The following PNPLA3 variants were observed in gnomAD, a reference collection of about 807,000 sequenced individuals.
The protein encoded by PNPLA3 is 1-acylglycerol-3-phosphate O-acyltransferase PNPLA3.
Under a neutral mutation model 43.1 loss-of-function variants are expected in PNPLA3, and 42 were observed. The observed-to-expected ratio is 0.97, with a 90% confidence interval of 0.76 to 1.26. The LOEUF is 1.26. Ranked by LOEUF, PNPLA3 falls within the 50% of genes most tolerant of loss-of-function variation. The pLI, the probability that PNPLA3 is intolerant of heterozygous loss-of-function variation, is 0.00. For missense variants in PNPLA3, 647 were observed against 621.4 expected (o/e 1.04, Z -0.44); for synonymous variants, 272 against 253.6 (o/e 1.07, Z -0.69).
At chr22:43,943,477 T>G (rs985206952) in intron 7 of PNPLA3, among the ~76,000 whole-genome samples, 1 of 152,198 alleles carries the variant, frequency 6.6e-6, no homozygotes, top group African/African-American at 2.4e-5. Context: ...TTTGCCCTGG[T>G]GGTGAACGCT....
At chr22:43,931,898 G>T (rs2049964056) in intron 3 of PNPLA3, among the ~76,000 whole-genome samples, 1 of 152,212 alleles carries the variant, frequency 6.6e-6, no homozygotes, top group Non-Finnish European at 1.5e-5. Context: ...GTGTAAACTT[G>T]TGATCATTTC....
intron 7 of PNPLA3, among the ~76,000 whole-genome samples, chr22:43,943,911 C>G (rs9626057): frequency 0.046 from 6,987 of 152,230 alleles, 217 homozygotes; most frequent in Middle Eastern, 0.078. Flanking sequence ...GCTTCAGTCT[C>G]CTGAGTAGCT....
intron 6 of PNPLA3, 73 bp downstream of exon 6, chr22:43,937,345 T>G (rs1350330208): frequency 1.4e-6 from 2 of 1,416,618 alleles, no homozygotes; most frequent in East Asian, 4.8e-5. Flanking sequence ...AAGATGGTAC[T>G]GCCACATGGG....
At chr22:43,929,893 G>A (rs969413412) in intron 3 of PNPLA3, among the ~76,000 whole-genome samples, 2 of 152,264 alleles carry the variant, frequency 1.3e-5, no homozygotes, top group African/African-American at 4.8e-5. Flanking sequence ...CATGGTGCCC[G>A]GCCAACAATC....
At chr22:43,940,676 G>A (rs2050025351) in intron 7 of PNPLA3, among the ~76,000 whole-genome samples, 1 of 151,954 alleles carries the variant, frequency 6.6e-6, no homozygotes, top group Non-Finnish European at 1.5e-5. Context: ...GAGCATGGTG[G>A]CACGTGCCTG....
Position 43,923,876 on chromosome 22 carries a change from G to C in PNPLA3, c.-36G>C. ...CGAGCCGATTCCCGATCCCGACCCA[G>C]ATCCTAACCCGCGCCCCCGCCCCGC... On this transcript the variant is annotated 5_prime_UTR_variant, in exon 1 of 9. Transcript: ENST00000216180. The C allele has an allele frequency of 1.4e-6, 2 of 1,470,256 alleles. No homozygotes were observed. Among genetic ancestry groups the C allele is most frequent in the South Asian group, 2.7e-5 (2 of 73,856 alleles). The allele number at this position is 1,470,256 out of a possible 1,614,324, so 91.1% of individuals were successfully genotyped here.
chr22:43,931,660 C>T (rs888678086), intron 3 of PNPLA3, among the ~76,000 whole-genome samples: 9 of 152,182 alleles, frequency 5.9e-5, no homozygotes, highest in Admixed American at 5.2e-4. Flanking sequence ...AGATTACAAG[C>T]ACACATCCCC....
At chr22:43,926,109 T>C (rs2049920287) in intron 1 of PNPLA3, among the ~76,000 whole-genome samples, 3 of 152,212 alleles carry the variant, frequency 2.0e-5, no homozygotes, top group African/African-American at 7.2e-5. Context: ...TCCCAGAGGC[T>C]GCATCCTGGA....
In PNPLA3 at chr22:43,946,024, C is replaced by T. The variant is rs1638248146; in HGVS notation, c.1218-130C>T. ...CTGAGGGCTAGAAGAAGCTGTGTCT[C>T]TGGCTGTGACGGCACCCTAGAGTGT... On this transcript the variant is annotated intron_variant, in intron 8 of 8. Transcript: ENST00000216180. The T allele has an allele frequency of 3.6e-6, 3 of 830,098 alleles. No individual in the cohort carries two copies. The Admixed American group carries it at 6.3e-5, about 17-fold the overall frequency. The allele number at this position is 830,098 out of a possible 1,614,324, so 51.4% of individuals were successfully genotyped here.
At chr22:43,926,675 C>A (rs1569008708) in intron 1 of PNPLA3, among the ~76,000 whole-genome samples, 1 of 151,026 alleles carries the variant, frequency 6.6e-6, no homozygotes, top group Non-Finnish European at 1.5e-5. Flanking sequence ...AAAATAATAT[C>A]ATTTTCACAT....
At chr22:43,937,414 G>A (rs932197781) in intron 6 of PNPLA3, 142 bp downstream of exon 6, 12 of 766,766 alleles carry the variant, frequency 1.6e-5, no homozygotes, top group Admixed American at 1.1e-4. Flanking sequence ...CATGTGTACA[G>A]CCTGGGCTGC....
At chr22:43,939,458 G>A (rs2050016960) in intron 6 of PNPLA3, 1 of 925,674 alleles carries the variant, frequency 1.1e-6, no homozygotes, top group Non-Finnish European at 1.3e-6. Flanking sequence ...TGCTCCGTAA[G>A]CACTCTCTTA....
chr22:43,945,736 G>A (rs1299344347), intron 8 of PNPLA3, among the ~76,000 whole-genome samples: 2 of 152,152 alleles, frequency 1.3e-5, no homozygotes, highest in Non-Finnish European at 2.9e-5. Flanking sequence ...TCTGTAGACC[G>A]AGAGGCTTCC....
chr22:43,928,109 G>A (rs1372698218), intron 2 of PNPLA3, among the ~76,000 whole-genome samples: 1 of 152,214 alleles, frequency 6.6e-6, no homozygotes, highest in Non-Finnish European at 1.5e-5. Flanking sequence ...TTCAGCTGAT[G>A]CTTTCATAAG....
Position 43,924,047 on chromosome 22 carries a change from G to C in PNPLA3, c.136G>C (p.Ala46Pro), listed in dbSNP as rs1339952258. The change falls in exon 1 of 9, where the codon GCT (alanine) becomes CCT (proline). Residue 46 changes from alanine to proline, a missense_variant. By Grantham distance (27) the Ala-to-Pro change is conservative (BLOSUM62 -1). Coordinates refer to ENST00000216180, the MANE Select transcript of PNPLA3 (RefSeq NM_025225.3). ...LLRDARMLFGASAGALHCVGV... is the reference protein window; with the variant it reads ...LLRDARMLFGPSAGALHCVGV... Reference sequence around the variant, plus strand: ...CCGCGACGCGCGCATGTTGTTCGGCGCTTCGGCCGGGGCGTTGCACTGCGT... The same window carrying C: ...CCGCGACGCGCGCATGTTGTTCGGCCCTTCGGCCGGGGCGTTGCACTGCGT... The C allele has an allele frequency of 1.3e-6, 2 of 1,579,890 alleles. No individual in the cohort carries two copies. Among genetic ancestry groups the C allele is most frequent in the Non-Finnish European group, 1.7e-6 (2 of 1,172,164 alleles).
chr22:43,932,257 C>A (rs958743333), intron 3 of PNPLA3, among the ~76,000 whole-genome samples: 1 of 152,146 alleles, frequency 6.6e-6, no homozygotes, highest in Non-Finnish European at 1.5e-5. Flanking sequence ...ATAATTTATC[C>A]AAAATGCTGC....
At chr22:43,930,667 TCA>T (rs2049956006) in intron 3 of PNPLA3, among the ~76,000 whole-genome samples, 4 of 152,168 alleles carry the variant, frequency 2.6e-5, no homozygotes, top group Admixed American at 2.6e-4. Context: ...CTGGCAGTGT[TCA>T]GATTTGGCTG....
intron 8 of PNPLA3, 52 bp from the exon 9 acceptor site, chr22:43,946,102 A>G (rs2050061159): frequency 6.4e-7 from 1 of 1,553,870 alleles, no homozygotes; most frequent in East Asian, 2.3e-5. Context: ...CTCAGACTGC[A>G]CACTGCAGCA....
chr22:43,924,055 C>G lies in PNPLA3; in HGVS notation c.144C>G (p.Ala48=). Residue 48 remains alanine (A), a synonymous_variant, in exon 1 of 9, where the codon GCC becomes GCG. Transcript: ENST00000216180. ...RDARMLFGAS[A]GALHCVGVLS... ...CGCGCATGTTGTTCGGCGCTTCGGC[C>G]GGGGCGTTGCACTGCGTCGGCGTCC... 6.3e-7 allele frequency: 1 copy of G among 1,578,340 alleles called. No homozygotes were observed. Among genetic ancestry groups the G allele is most frequent in the Non-Finnish European group, 8.5e-7 (1 of 1,171,558 alleles).
Sources: gnomAD v4.1 joint callset for allele counts (sites outside exome capture counted in the v4.1 genomes callset) on GRCh38, gnomAD v4.1.1 for gene constraint, MANE v1.5 for transcripts, NCBI Gene and HGNC (gene_info 2026-07-23, HGNC 2026-07-21) for gene names.